The following ARB2A variants were observed in gnomAD, a reference collection of about 807,000 sequenced individuals.
ARB2A encodes cotranscriptional regulator ARB2A.
chr5:94,026,627 A>C, the ARB2A span, among the ~76,000 whole-genome samples: 1 of 152,210 alleles, frequency 6.6e-6, no homozygotes, highest in Non-Finnish European at 1.5e-5. Context: ...AGGGAAGAGT[A>C]GGTATATGTA....
the ARB2A span, among the ~76,000 whole-genome samples, chr5:93,780,534 T>C: frequency 1.3e-5 from 2 of 151,794 alleles, no homozygotes; most frequent in African/African-American, 4.8e-5. Flanking sequence ...CTTTCTCCCA[T>C]CTCCTCCCCT....
the ARB2A span, among the ~76,000 whole-genome samples, chr5:93,809,930 TATC>T: frequency 6.6e-6 from 1 of 152,076 alleles, no homozygotes; most frequent in African/African-American, 2.4e-5. Flanking sequence ...TTTAGAATAT[TATC>T]GTCTAATATT....
chr5:93,903,299 TA>T, the ARB2A span, among the ~76,000 whole-genome samples: 4 of 151,972 alleles, frequency 2.6e-5, no homozygotes, highest in African/African-American at 9.7e-5. Context: ...GATTACTGGA[TA>T]AAAAAAGCTT....
the ARB2A span, among the ~76,000 whole-genome samples, chr5:94,029,277 C>T: frequency 6.6e-6 from 1 of 152,166 alleles, no homozygotes; most frequent in East Asian, 1.9e-4. Flanking sequence ...CAGGTGTGAG[C>T]CACTGCATCT....
the ARB2A span, among the ~76,000 whole-genome samples, chr5:93,785,453 G>A: frequency 6.6e-6 from 1 of 151,814 alleles, no homozygotes; most frequent in South Asian, 2.1e-4. Context: ...TCTATGAATT[G>A]TCTATCAAAA....
the ARB2A span, among the ~76,000 whole-genome samples, chr5:93,668,191 C>A: frequency 6.6e-6 from 1 of 152,160 alleles, no homozygotes; most frequent in Non-Finnish European, 1.5e-5. Flanking sequence ...GCAACCACCA[C>A]CTCCTGGGTT....
the ARB2A span, among the ~76,000 whole-genome samples, chr5:93,706,326 T>G: frequency 6.6e-6 from 1 of 152,228 alleles, no homozygotes; most frequent in Non-Finnish European, 1.5e-5. Context: ...TCAATTTATA[T>G]GAAATGTTCA....
chr5:93,916,668 T>A, the ARB2A span, among the ~76,000 whole-genome samples: 7 of 152,120 alleles, frequency 4.6e-5, no homozygotes, highest in African/African-American at 1.7e-4. Context: ...ATGTAAATTA[T>A]TAGCCCCCTT....
the ARB2A span, among the ~76,000 whole-genome samples, chr5:93,829,496 T>C: frequency 1.3e-5 from 2 of 152,218 alleles, no homozygotes; most frequent in African/African-American, 2.4e-5. Context: ...ATCTTGTGCA[T>C]GCTTCCTATT....
At chr5:93,881,024 A>G in the ARB2A span, among the ~76,000 whole-genome samples, 1 of 151,684 alleles carries the variant, frequency 6.6e-6, no homozygotes, top group Non-Finnish European at 1.5e-5. Flanking sequence ...AATGTTTTGT[A>G]TGGAGCATTA....
chr5:93,727,141 C>T, the ARB2A span, among the ~76,000 whole-genome samples: 1 of 151,710 alleles, frequency 6.6e-6, no homozygotes, highest in South Asian at 2.1e-4. Context: ...GAAAATATAC[C>T]AGGAAACAAG....
chr5:93,659,788 C>A, the ARB2A span, among the ~76,000 whole-genome samples: 2 of 152,160 alleles, frequency 1.3e-5, no homozygotes, highest in Admixed American at 1.3e-4. Context: ...ACATAAGAGG[C>A]TTTTTTCTTT....
the ARB2A span, among the ~76,000 whole-genome samples, chr5:94,096,288 T>C: frequency 6.6e-6 from 1 of 152,256 alleles, no homozygotes; most frequent in Admixed American, 6.5e-5. Flanking sequence ...CCACATTTTA[T>C]ACAAGCACAT....
the ARB2A span, chr5:93,683,798 C>A: frequency 4.7e-5 from 56 of 1,197,026 alleles, no homozygotes; most frequent in Non-Finnish European, 3.6e-6. Flanking sequence ...CCGCGCAGGA[C>A]GGAATCACAC....
chr5:93,917,579 C>G, the ARB2A span, among the ~76,000 whole-genome samples: 1 of 151,998 alleles, frequency 6.6e-6, no homozygotes, highest in Non-Finnish European at 1.5e-5. Flanking sequence ...TTCTTTCCTG[C>G]AACATAAAAA....
At chr5:93,976,126 T>C in the ARB2A span, among the ~76,000 whole-genome samples, 2 of 152,122 alleles carry the variant, frequency 1.3e-5, no homozygotes, top group Non-Finnish European at 2.9e-5. Context: ...ATAAATAGAA[T>C]TAAAAACAAA....
the ARB2A span, chr5:93,740,813 T>C: frequency 6.2e-7 from 1 of 1,613,546 alleles, no homozygotes. Flanking sequence ...ACCACATCCT[T>C]CTGCAGCTGG....
the ARB2A span, among the ~76,000 whole-genome samples, chr5:93,801,869 G>A: frequency 6.6e-6 from 1 of 152,114 alleles, no homozygotes; most frequent in African/African-American, 2.4e-5. Flanking sequence ...GGCTAAAGTG[G>A]AATGGCCAGA....
the ARB2A span, among the ~76,000 whole-genome samples, chr5:93,707,850 C>G: frequency 6.6e-6 from 1 of 152,168 alleles, no homozygotes; most frequent in African/African-American, 2.4e-5. Context: ...GCTGGGATTA[C>G]AGGGATGAGC....
Sources: allele counts gnomAD v4.1 joint callset (sites outside exome capture counted in the v4.1 genomes callset), GRCh38; gene constraint gnomAD v4.1.1; transcripts MANE v1.5; gene names NCBI Gene and HGNC (gene_info 2026-07-23, HGNC 2026-07-21).